Variants in GMDS observed in about 807,000 individuals in gnomAD.
GMDS encodes GDP-mannose 4,6-dehydratase, also known as GDP-mannose 4,6 dehydratase.
GMDS carries 20 observed loss-of-function variants against 49.9 expected under a neutral mutation model. The observed-to-expected ratio is 0.40, with a 90% CI of 0.28 to 0.58. GMDS has a LOEUF of 0.58. Ranked by LOEUF, GMDS falls within the 20% of genes least tolerant of loss-of-function variation. GMDS has a pLI of 0.42. For synonymous variants in GMDS, 177 were observed against 178.6 expected (o/e 0.99, Z 0.07); for missense variants, 362 against 481.4 (o/e 0.75, Z 2.32).
intron 7 of GMDS, among the ~76,000 whole-genome samples, chr6:1,816,215 T>C (rs1770665518): frequency 6.6e-6 from 1 of 152,224 alleles, no homozygotes; most frequent in Non-Finnish European, 1.5e-5. Flanking sequence ...GAGAGCCTAC[T>C]GTGTGCTTGG....
At chr6:1,643,245 T>C (rs1397532762) in intron 9 of GMDS, among the ~76,000 whole-genome samples, 1 of 152,114 alleles carries the variant, frequency 6.6e-6, no homozygotes, top group Non-Finnish European at 1.5e-5. Flanking sequence ...CAGACAAGTG[T>C]GGGGGGCAGG....
At chr6:2,062,182 G>T (rs1771221220) in intron 4 of GMDS, among the ~76,000 whole-genome samples, 1 of 152,184 alleles carries the variant, frequency 6.6e-6, no homozygotes, top group South Asian at 2.1e-4. Flanking sequence ...CACAGGAGGG[G>T]AAGCTTCTTA....
intron 7 of GMDS, among the ~76,000 whole-genome samples, chr6:1,871,072 A>ACG (rs1758717044): frequency 6.6e-6 from 1 of 151,710 alleles, no homozygotes; most frequent in Non-Finnish European, 1.5e-5. Context: ...ACACACACAC[A>ACG]CACACACACA....
intron 1 of GMDS, among the ~76,000 whole-genome samples, chr6:2,150,554 A>G (rs113240127): frequency 5.3e-5 from 8 of 152,184 alleles, no homozygotes; most frequent in African/African-American, 1.9e-4. Context: ...CTGTGGGAAA[A>G]CCACTAACTT....
At chr6:2,183,250 T>C (rs562826814) in intron 1 of GMDS, among the ~76,000 whole-genome samples, 2 of 152,288 alleles carry the variant, frequency 1.3e-5, no homozygotes, top group African/African-American at 4.8e-5. Flanking sequence ...ATCTTCTAGA[T>C]AGGGATTCAC....
chr6:2,110,471 G>A (rs942175852), intron 4 of GMDS, among the ~76,000 whole-genome samples: 7 of 151,984 alleles, frequency 4.6e-5, no homozygotes, highest in African/African-American at 1.7e-4. Context: ...TAGCTTTTCT[G>A]TCTCATCCCT....
At chr6:1,762,849 C>T (rs145280611) in intron 7 of GMDS, among the ~76,000 whole-genome samples, 669 of 152,144 alleles carry the variant, frequency 4.4e-3, no homozygotes, top group Admixed American at 9.1e-3. Context: ...AATGTGTTAC[C>T]CTAATTTCTT....
chr6:1,886,512 T>G (rs1282095160), intron 7 of GMDS, among the ~76,000 whole-genome samples: 1 of 152,196 alleles, frequency 6.6e-6, no homozygotes, highest in Non-Finnish European at 1.5e-5. Context: ...AAAAATAGAC[T>G]ACTAGAATTA....
At chr6:1,692,629 T>C (rs9503003) in intron 9 of GMDS, among the ~76,000 whole-genome samples, 126 of 152,370 alleles carry the variant, frequency 8.3e-4, no homozygotes, top group African/African-American at 3.0e-3. Context: ...ATAGTCCCTA[T>C]TGCTACGTCT....
chr6:2,137,825 A>C (rs1313035117), intron 1 of GMDS, among the ~76,000 whole-genome samples: 1 of 152,270 alleles, frequency 6.6e-6, no homozygotes, highest in Non-Finnish European at 1.5e-5. Context: ...CTGCAGGTCC[A>C]TAAACCAGCA....
chr6:1,733,893 A>G (rs72494595), intron 8 of GMDS, among the ~76,000 whole-genome samples: 1,842 of 148,756 alleles, frequency 0.012, 83 homozygotes, highest in Admixed American at 0.079. Flanking sequence ...GGGGAGGCTG[A>G]GCGGCAGCCT....
intron 4 of GMDS, among the ~76,000 whole-genome samples, chr6:2,110,534 A>G (rs942811669): frequency 6.6e-6 from 1 of 152,106 alleles, no homozygotes; most frequent in East Asian, 1.9e-4. Flanking sequence ...CTTGACTCAC[A>G]GTCAACTCTG....
chr6:1,968,521 T>G (rs1764391127), intron 4 of GMDS, among the ~76,000 whole-genome samples: 1 of 152,138 alleles, frequency 6.6e-6, no homozygotes, highest in Admixed American at 6.5e-5. Context: ...CACTCCCCTC[T>G]TGCGGGGTTT....
At chr6:1,741,943 AT>A (rs1314474362) in intron 8 of GMDS, among the ~76,000 whole-genome samples, 13 of 139,924 alleles carry the variant, frequency 9.3e-5, no homozygotes, top group African/African-American at 3.5e-4. Context: ...TTTTTTTGAG[AT>A]GGAGTCTTGC....
At chr6:1,986,307 G>A (rs181116400) in intron 4 of GMDS, among the ~76,000 whole-genome samples, 75 of 152,164 alleles carry the variant, frequency 4.9e-4, no homozygotes, top group African/African-American at 1.7e-3. Context: ...TACCAGTGCC[G>A]TCTGGACAAG....
intron 1 of GMDS, among the ~76,000 whole-genome samples, chr6:2,148,140 G>A (rs1776667398): frequency 6.6e-6 from 1 of 152,062 alleles, no homozygotes; most frequent in Non-Finnish European, 1.5e-5. Context: ...CGTTGAGTGA[G>A]CAACAGGGTA....
chr6:1,727,868 A>G (rs571870320), intron 8 of GMDS, among the ~76,000 whole-genome samples: 1 of 152,382 alleles, frequency 6.6e-6, no homozygotes, highest in East Asian at 1.9e-4. Flanking sequence ...ATAGCGCAGT[A>G]TGTTGAATAA....
chr6:2,025,911 C>T (rs902599713), intron 4 of GMDS, among the ~76,000 whole-genome samples: 2 of 152,084 alleles, frequency 1.3e-5, no homozygotes, highest in Non-Finnish European at 1.5e-5. Context: ...ATCATGTCTG[C>T]CTTTCTCTAA....
chr6:2,139,057 C>T (rs1472924217), intron 1 of GMDS, among the ~76,000 whole-genome samples: 1 of 152,108 alleles, frequency 6.6e-6, no homozygotes, highest in Admixed American at 6.5e-5. Flanking sequence ...ATCACTTAAA[C>T]ATTTCTGGGG....
Sources: allele counts gnomAD v4.1 joint callset (sites outside exome capture counted in the v4.1 genomes callset), GRCh38; gene constraint gnomAD v4.1.1; transcripts MANE v1.5; gene names NCBI Gene and HGNC (gene_info 2026-07-23, HGNC 2026-07-21).